Variants in GFRA1 observed in about 807,000 individuals in gnomAD.
GFRA1 encodes the protein GDNF family receptor alpha 1, also known as GDNF family receptor alpha-1.
In GFRA1, 16 loss-of-function variants were observed where a neutral mutation model predicts 51.6. The ratio of observed to expected loss-of-function variants is 0.31; its 90% CI spans 0.21 to 0.47. The LOEUF (loss-of-function observed/expected upper bound fraction) is 0.47. Ranked by LOEUF, GFRA1 falls within the 20% of genes least tolerant of loss-of-function variation. The pLI, the probability that GFRA1 is intolerant of heterozygous loss-of-function variation, is 1.00. For missense variants in GFRA1, 530 were observed against 594.3 expected (o/e 0.89, Z 1.13); for synonymous variants, 270 against 241.3 (o/e 1.12, Z -1.10).
At chr10:116,089,649 T>C in intron 9 of GFRA1, 92 bp downstream of exon 9, 4 of 1,053,700 alleles carry the variant, frequency 3.8e-6, no homozygotes, top group Non-Finnish European at 6.0e-6. Flanking sequence ...TCGTCATCTC[T>C]CTCTGCATAC....
At position 116,174,433 on chromosome 10, in the gene GFRA1, G is replaced by A. The variant is rs74160642; in HGVS notation, c.433+37198C>T. 5.2e-3 allele frequency among the ~76,000 whole-genome samples: 787 copies of A among 152,244 alleles called. 4 individuals carry two copies. The highest frequency in any genetic ancestry group is 0.018 in the African/African-American group (751 of 41,546). ...TCACGAGAATCATTCTTCAGCGTCT[G>A]GGGCAGTAAAACTCTTGCTAAAAAT... On this transcript the variant is annotated intron_variant, in intron 5 of 10. Transcript: ENST00000355422.
rs146578806 is a variant in GFRA1, at chr10:116,092,320, G to T, written c.1015+1382C>A. 4.6e-5 allele frequency among the ~76,000 whole-genome samples: 7 copies of T among 152,282 alleles called. No homozygotes were observed. In the East Asian group the frequency reaches 1.4e-3, roughly 29 times the overall value. ...TGACTACAGCCACATTATTTGAAGT[G>T]TCTGGTAAGCAAATGACTTCAATTT... is the stretch of plus-strand genomic sequence containing the variant. On this transcript the variant is annotated intron_variant, in intron 8 of 10. Transcript: ENST00000355422.
chr10:116,198,975 A>T (rs1589865728), intron 5 of GFRA1, among the ~76,000 whole-genome samples: 1 of 152,176 alleles, frequency 6.6e-6, no homozygotes, highest in Non-Finnish European at 1.5e-5. Flanking sequence ...TACAGAGACA[A>T]AGACCATGTG....
intron 6 of GFRA1, among the ~76,000 whole-genome samples, chr10:116,105,086 A>G (rs1956957550): frequency 6.6e-6 from 1 of 152,224 alleles, no homozygotes; most frequent in Non-Finnish European, 1.5e-5. Context: ...ACCTAGCTTT[A>G]GCTTTGGTAG....
At chr10:116,075,321 A>G (rs530855956) in intron 9 of GFRA1, among the ~76,000 whole-genome samples, 2 of 152,294 alleles carry the variant, frequency 1.3e-5, no homozygotes, top group South Asian at 4.1e-4. Context: ...CACTTCTCAG[A>G]TGAATTTTGG....
intron 4 of GFRA1, among the ~76,000 whole-genome samples, chr10:116,233,571 C>T (rs1966815243): frequency 6.6e-6 from 1 of 152,128 alleles, no homozygotes; most frequent in Non-Finnish European, 1.5e-5. Flanking sequence ...CCATGGCCCC[C>T]TCCCCAACAC....
chr10:116,194,096 A>C (rs1963527765), intron 5 of GFRA1, among the ~76,000 whole-genome samples: 1 of 151,796 alleles, frequency 6.6e-6, no homozygotes, highest in Non-Finnish European at 1.5e-5. Flanking sequence ...GGCTCATGAT[A>C]AAACCTTAAA....
chr10:116,151,703 C>T (rs778583761), intron 5 of GFRA1, among the ~76,000 whole-genome samples: 1 of 152,076 alleles, frequency 6.6e-6, no homozygotes, highest in Non-Finnish European at 1.5e-5. Context: ...GGAGGATACG[C>T]ACCACACAGT....
At chr10:116,151,685 A>C (rs773339624) in intron 5 of GFRA1, among the ~76,000 whole-genome samples, 1 of 152,118 alleles carries the variant, frequency 6.6e-6, no homozygotes, top group African/African-American at 2.4e-5. Flanking sequence ...TACCAAGGGG[A>C]GGAAGCAGGA....
At chr10:116,254,444 G>A (rs1445688559) in intron 4 of GFRA1, among the ~76,000 whole-genome samples, 1 of 151,948 alleles carries the variant, frequency 6.6e-6, no homozygotes, top group Admixed American at 6.6e-5. Flanking sequence ...GGCCAAGGCA[G>A]GAGGATTGCT....
intron 9 of GFRA1, among the ~76,000 whole-genome samples, chr10:116,067,879 G>A (rs951037107): frequency 6.6e-6 from 1 of 152,172 alleles, no homozygotes; most frequent in Non-Finnish European, 1.5e-5. Flanking sequence ...CAATTTCACA[G>A]GAAAATGCAT....
At chr10:116,096,324 T>A (rs1291429044) in intron 7 of GFRA1, among the ~76,000 whole-genome samples, 1 of 152,098 alleles carries the variant, frequency 6.6e-6, no homozygotes, top group African/African-American at 2.4e-5. Flanking sequence ...GCTTTCTTCT[T>A]CCATAACCAA....
chr10:116,150,205 T>C (rs567168764), intron 5 of GFRA1, among the ~76,000 whole-genome samples: 1 of 152,270 alleles, frequency 6.6e-6, no homozygotes, highest in Non-Finnish European at 1.5e-5. Context: ...CCTCTCCCAC[T>C]ACCACCACCC....
chr10:116,103,277 A>T (rs1458742578), intron 6 of GFRA1, among the ~76,000 whole-genome samples: 2 of 152,148 alleles, frequency 1.3e-5, no homozygotes, highest in Non-Finnish European at 2.9e-5. Flanking sequence ...GTTGCCCCCA[A>T]AATTTTTACT....
chr10:116,066,405 G>A (rs1028052915), intron 9 of GFRA1, among the ~76,000 whole-genome samples: 6 of 152,072 alleles, frequency 3.9e-5, no homozygotes, highest in Admixed American at 3.3e-4. Flanking sequence ...ATGGCTTCCC[G>A]AGCAGTTGCA....
intron 5 of GFRA1, among the ~76,000 whole-genome samples, chr10:116,156,317 G>C (rs1205683646): frequency 6.6e-6 from 1 of 152,198 alleles, no homozygotes; most frequent in African/African-American, 2.4e-5. Flanking sequence ...TTCAAACGAA[G>C]TTATGGGTTT....
intron 5 of GFRA1, among the ~76,000 whole-genome samples, chr10:116,196,733 A>AT (rs1963891159): frequency 8.7e-5 from 9 of 103,150 alleles, no homozygotes; most frequent in African/African-American, 3.0e-4. Context: ...TATAATATAT[A>AT]ATACTATATA....
At position 116,143,676 on chromosome 10, in the gene GFRA1, CTCT is replaced by C. The variant is rs1486074364; in HGVS notation, c.434-18122_434-18120del. ...ATTCATTCTCTCTCTCTCTCTCTCTCTCTCCCATGCAATGAACATGGCGAATTT... is the reference window on the plus strand; with the variant it reads ...ATTCATTCTCTCTCTCTCTCTCTCTCCCCATGCAATGAACATGGCGAATTT... On this transcript the variant is annotated intron_variant, in intron 5 of 10. Coordinates refer to ENST00000355422, the MANE Select transcript of GFRA1 (RefSeq NM_005264.8). Among the ~76,000 whole-genome samples the C allele has an allele frequency of 4.1e-3, 621 of 152,224 alleles. 4 individuals carry two copies. The highest frequency in any genetic ancestry group is 6.5e-3 in the Non-Finnish European group (442 of 68,018).
rs1957662146 is a variant in GFRA1, at chr10:116,121,901, G to A, written c.770+3320C>T. Among the ~76,000 whole-genome samples, 3 of 152,242 alleles carry A rather than the reference G, an allele frequency of 2.0e-5. No individual in the cohort carries two copies. In the South Asian group the frequency reaches 6.2e-4, roughly 32 times the overall value. On this transcript the variant is annotated intron_variant, in intron 6 of 10. Coordinates refer to ENST00000355422, the MANE Select transcript of GFRA1 (RefSeq NM_005264.8). ...GGCCTCACAGAGATGGATTGAGAAG[G>A]GATGGGATAAAAGGCATAAAATTAA...
Sources: gnomAD v4.1 joint callset for allele counts (sites outside exome capture counted in the v4.1 genomes callset) on GRCh38, gnomAD v4.1.1 for gene constraint, MANE v1.5 for transcripts, NCBI Gene and HGNC (gene_info 2026-07-23, HGNC 2026-07-21) for gene names.